Variants in HMGCLL1 observed in about 807,000 individuals in gnomAD.
HMGCLL1 encodes the protein 3-hydroxy-3-methylglutaryl-CoA lyase like 1.
Under a neutral mutation model 39.1 loss-of-function variants are expected in HMGCLL1, and 36 were observed. The ratio of observed to expected loss-of-function variants is 0.92; its 90% CI spans 0.71 to 1.22. The LOEUF (loss-of-function observed/expected upper bound fraction) is 1.22, where lower values mean the gene tolerates loss of function less well. HMGCLL1 is among the 50% of genes most tolerant of loss of function. The probability of loss-of-function intolerance (pLI) is 0.00; values close to 1 mark genes in which losing one functional copy is unlikely to be tolerated. For missense variants in HMGCLL1, 451 were observed against 416.5 expected, an observed-to-expected ratio of 1.08 and a Z score of -0.72; for synonymous variants, 149 against 144.0, an observed-to-expected ratio of 1.03 and a Z score of -0.25.
At chr6:55,545,749 G>C (rs1461422299) in intron 1 of HMGCLL1, among the ~76,000 whole-genome samples, 2 of 152,022 alleles carry the variant, frequency 1.3e-5, no homozygotes, top group African/African-American at 4.8e-5. Context: ...ATAACATTTA[G>C]TTGGATTTGC....
intron 7 of HMGCLL1, among the ~76,000 whole-genome samples, chr6:55,451,917 TA>T (rs1328489262): frequency 6.6e-6 from 1 of 152,212 alleles, no homozygotes. Flanking sequence ...CAGTATATAT[TA>T]GCTTCATGAT....
chr6:55,527,858 A>C (rs1768406459), intron 3 of HMGCLL1, among the ~76,000 whole-genome samples: 1 of 152,008 alleles, frequency 6.6e-6, no homozygotes, highest in South Asian at 2.1e-4. Context: ...TTTTTTAAAT[A>C]CTCCAGAAAT....
At chr6:55,600,131 G>T in the HMGCLL1 span, among the ~76,000 whole-genome samples, 1 of 152,020 alleles carries the variant, frequency 6.6e-6, no homozygotes, top group Non-Finnish European at 1.5e-5. Flanking sequence ...GTAGTTGAGA[G>T]AATCTTCAGT....
intron 3 of HMGCLL1, among the ~76,000 whole-genome samples, chr6:55,541,491 G>A (rs984856472): frequency 5.3e-5 from 8 of 152,026 alleles, no homozygotes; most frequent in African/African-American, 1.4e-4. Flanking sequence ...GCTATTCAAC[G>A]GCCTTGTCCC....
At chr6:55,477,040 T>C (rs1205400192) in intron 7 of HMGCLL1, among the ~76,000 whole-genome samples, 1 of 105,438 alleles carries the variant, frequency 9.5e-6, no homozygotes, top group Non-Finnish European at 2.0e-5. Flanking sequence ...AGTAATGGGA[T>C]GGCTGGGTCA....
chr6:55,477,521 C>CAT (rs1284649093), intron 7 of HMGCLL1, among the ~76,000 whole-genome samples: 3 of 109,008 alleles, frequency 2.8e-5, no homozygotes, highest in South Asian at 2.5e-4. Context: ...TATGTAATTA[C>CAT]ATATATATAT....
chr6:55,509,992 C>G (rs1448464488), intron 5 of HMGCLL1, among the ~76,000 whole-genome samples: 1 of 151,814 alleles, frequency 6.6e-6, no homozygotes, highest in Non-Finnish European at 1.5e-5. Context: ...CATTATCACA[C>G]CTGACAATTG....
chr6:55,487,170 C>G (rs1257933119), intron 7 of HMGCLL1, among the ~76,000 whole-genome samples: 2 of 151,950 alleles, frequency 1.3e-5, no homozygotes, highest in Non-Finnish European at 2.9e-5. Context: ...TCTCTTTAGT[C>G]TCTGGGTCTC....
At chr6:55,517,439 T>C (rs1228670393) in intron 3 of HMGCLL1, among the ~76,000 whole-genome samples, 1 of 151,922 alleles carries the variant, frequency 6.6e-6, no homozygotes, top group Non-Finnish European at 1.5e-5. Flanking sequence ...ATATGAAGAA[T>C]AGTATATAAG....
the HMGCLL1 span, among the ~76,000 whole-genome samples, chr6:55,622,500 T>C: frequency 2.0e-5 from 3 of 152,214 alleles, no homozygotes; most frequent in South Asian, 6.2e-4. Flanking sequence ...TTTTATCGAA[T>C]GCTGTTTTAG....
At chr6:55,448,443 T>G (rs1375849721) in intron 7 of HMGCLL1, among the ~76,000 whole-genome samples, 5 of 151,726 alleles carry the variant, frequency 3.3e-5, no homozygotes, top group African/African-American at 7.3e-5. Context: ...TCCATTTATT[T>G]GTGCTTCTAG....
chr6:55,492,557 A>G (rs888174443), intron 7 of HMGCLL1, among the ~76,000 whole-genome samples: 2 of 152,224 alleles, frequency 1.3e-5, no homozygotes, highest in African/African-American at 4.8e-5. Context: ...GCAGTTGTGT[A>G]TATGTCTTTC....
the HMGCLL1 span, among the ~76,000 whole-genome samples, chr6:55,628,395 G>C: frequency 1.6e-4 from 24 of 149,594 alleles, no homozygotes; most frequent in African/African-American, 5.9e-4. Flanking sequence ...TCAGTCTCCT[G>C]GGTTCAAACA....
intron 7 of HMGCLL1, among the ~76,000 whole-genome samples, chr6:55,486,782 AG>A (rs1766054640): frequency 6.6e-6 from 1 of 152,120 alleles, no homozygotes; most frequent in Admixed American, 6.6e-5. Flanking sequence ...TACCATAAGC[AG>A]GGTGGTTTAT....
chr6:55,553,585 T>G (rs1177988318), intron 1 of HMGCLL1, among the ~76,000 whole-genome samples: 1 of 152,098 alleles, frequency 6.6e-6, no homozygotes, highest in Non-Finnish European at 1.5e-5. Context: ...AAAGTGGGAA[T>G]AATAATAGCA....
chr6:55,508,542 A>G (rs552892111), intron 5 of HMGCLL1, among the ~76,000 whole-genome samples: 11 of 151,888 alleles, frequency 7.2e-5, no homozygotes, highest in Middle Eastern at 3.4e-3. Flanking sequence ...ATAAAAGTAA[A>G]TTTGTAAACA....
chr6:55,499,849 A>T (rs1766782851), intron 5 of HMGCLL1, among the ~76,000 whole-genome samples: 1 of 151,924 alleles, frequency 6.6e-6, no homozygotes, highest in Non-Finnish European at 1.5e-5. Flanking sequence ...TTCCAAACAG[A>T]AGAGTGTCTA....
chr6:55,647,751 T>A, the HMGCLL1 span, among the ~76,000 whole-genome samples: 13 of 123,454 alleles, frequency 1.1e-4, no homozygotes, highest in African/African-American at 4.3e-4. Flanking sequence ...TTTCCTTTTT[T>A]TTTTTTTATT....
chr6:55,517,342 C>A (rs935711037), intron 3 of HMGCLL1, among the ~76,000 whole-genome samples: 2 of 151,958 alleles, frequency 1.3e-5, no homozygotes, highest in African/African-American at 4.8e-5. Context: ...TTAATCAGAT[C>A]CCATAATCAT....
Sources: allele counts gnomAD v4.1 joint callset (sites outside exome capture counted in the v4.1 genomes callset), GRCh38; gene constraint gnomAD v4.1.1; transcripts MANE v1.5; gene names NCBI Gene and HGNC (gene_info 2026-07-23, HGNC 2026-07-21).